The following ST8SIA1 variants were observed in gnomAD, a reference collection of about 807,000 sequenced individuals.
ST8SIA1 encodes the protein ST8 alpha-N-acetyl-neuraminide alpha-2,8-sialyltransferase 1.
Under a neutral mutation model 35.9 loss-of-function variants are expected in ST8SIA1, and 16 were observed. The ratio of observed to expected loss-of-function variants is 0.45; its 90% CI spans 0.30 to 0.68. The LOEUF is 0.68. Ranked by LOEUF, ST8SIA1 falls within the 30% of genes least tolerant of loss-of-function variation. ST8SIA1 has a pLI of 0.09. For synonymous variants in ST8SIA1, 170 were observed against 169.6 expected, an observed-to-expected ratio of 1.00 and a Z score of -0.02; for missense variants, 383 against 453.6, an observed-to-expected ratio of 0.84 and a Z score of 1.41.
At chr12:22,242,523 C>A (rs1052247704) in intron 4 of ST8SIA1, among the ~76,000 whole-genome samples, 1 of 151,972 alleles carries the variant, frequency 6.6e-6, no homozygotes, top group African/African-American at 2.4e-5. Context: ...TTAACCTATG[C>A]CACAAAAATT....
intron 1 of ST8SIA1, among the ~76,000 whole-genome samples, chr12:22,297,607 T>C (rs1866261508): frequency 6.6e-6 from 1 of 152,086 alleles, no homozygotes; most frequent in Admixed American, 6.6e-5. Flanking sequence ...CTAAAACATA[T>C]GGGTCTCTCT....
At chr12:22,206,779 C>T (rs191880778) in intron 4 of ST8SIA1, among the ~76,000 whole-genome samples, 1 of 152,324 alleles carries the variant, frequency 6.6e-6, no homozygotes, top group East Asian at 1.9e-4. Flanking sequence ...TCAGAAGACA[C>T]TGATGGATAG....
At chr12:22,235,926 A>G (rs1865472265) in intron 4 of ST8SIA1, among the ~76,000 whole-genome samples, 2 of 152,090 alleles carry the variant, frequency 1.3e-5, no homozygotes, top group Admixed American at 1.3e-4. Flanking sequence ...GTGCACATAC[A>G]CACGCTAATG....
chr12:22,232,121 G>A (rs924093925), intron 4 of ST8SIA1, among the ~76,000 whole-genome samples: 1 of 152,110 alleles, frequency 6.6e-6, no homozygotes, highest in Admixed American at 6.5e-5. Context: ...AAACTAGCTG[G>A]CAAGGGGGAA....
intron 1 of ST8SIA1, chr12:22,325,616 G>C (rs932547630): frequency 3.2e-6 from 2 of 632,214 alleles, no homozygotes; most frequent in Non-Finnish European, 2.8e-6. Context: ...ATCTGTGGAG[G>C]ATACATTCCA....
intron 2 of ST8SIA1, among the ~76,000 whole-genome samples, chr12:22,256,338 T>C (rs758274662): frequency 1.7e-4 from 26 of 152,190 alleles, no homozygotes; most frequent in Non-Finnish European, 3.4e-4. Flanking sequence ...AGTATGAATA[T>C]GAAAACCCAG....
At chr12:22,214,390 T>A (rs1865211342) in intron 4 of ST8SIA1, among the ~76,000 whole-genome samples, 1 of 152,022 alleles carries the variant, frequency 6.6e-6, no homozygotes, top group Non-Finnish European at 1.5e-5. Context: ...ATAGTAGAAA[T>A]CAGTCTAGAT....
chr12:22,235,259 A>G (rs1865464364), intron 4 of ST8SIA1, among the ~76,000 whole-genome samples: 1 of 152,178 alleles, frequency 6.6e-6, no homozygotes, highest in South Asian at 2.1e-4. Context: ...TGGAAAGAAA[A>G]CTTTTTTAAA....
intron 3 of ST8SIA1, among the ~76,000 whole-genome samples, chr12:22,253,289 G>A (rs1345453314): frequency 2.0e-5 from 3 of 152,082 alleles, no homozygotes; most frequent in African/African-American, 7.2e-5. Context: ...CCAAAGTACT[G>A]GAGAGGGTGC....
At chr12:22,323,188 T>C (rs1205160189) in intron 1 of ST8SIA1, among the ~76,000 whole-genome samples, 1 of 152,240 alleles carries the variant, frequency 6.6e-6, no homozygotes, top group Non-Finnish European at 1.5e-5. Context: ...CCACTGTACA[T>C]ATCCAGTTGT....
In ST8SIA1 at chr12:22,193,568, T is replaced by C. The variant is rs565339581; in HGVS notation, c.*7984A>G. 1.9e-4 allele frequency: 29 copies of C among 152,250 alleles called. No individual in the cohort carries two copies. Among genetic ancestry groups the C allele is most frequent in the African/African-American group, 5.3e-4 (22 of 41,542 alleles). 9.4% of individuals were successfully genotyped at this position (152,250 alleles called of 1,614,324 possible). On this transcript the variant is annotated 3_prime_UTR_variant, in exon 5 of 5. Transcript: ENST00000396037. Reference sequence around the variant, plus strand: ...CCTATGACATTGCATTTAGATTCGGTGGAAAGAAGCAAGTCAGCAGAACCA... The same window carrying C: ...CCTATGACATTGCATTTAGATTCGGCGGAAAGAAGCAAGTCAGCAGAACCA...
chr12:22,284,582 T>C (rs1172710171), intron 2 of ST8SIA1, among the ~76,000 whole-genome samples: 1 of 152,184 alleles, frequency 6.6e-6, no homozygotes, highest in Non-Finnish European at 1.5e-5. Flanking sequence ...CATTTCAGAT[T>C]CTTAGCAGGA....
At chr12:22,300,229 C>T (rs555001331) in intron 1 of ST8SIA1, among the ~76,000 whole-genome samples, 3 of 152,244 alleles carry the variant, frequency 2.0e-5, no homozygotes, top group African/African-American at 4.8e-5. Flanking sequence ...AAAGCCTCAT[C>T]TCCAGGCCCA....
intron 2 of ST8SIA1, among the ~76,000 whole-genome samples, chr12:22,259,528 C>T (rs1021468022): frequency 4.7e-4 from 71 of 151,830 alleles, no homozygotes; most frequent in African/African-American, 1.6e-3. Context: ...TGCAGTGGCG[C>T]GATCTGGGAT....
chr12:22,238,583 G>T (rs1401864962), intron 4 of ST8SIA1, among the ~76,000 whole-genome samples: 2 of 152,202 alleles, frequency 1.3e-5, no homozygotes, highest in East Asian at 3.8e-4. Flanking sequence ...AAACGTGAAA[G>T]ATACTAAAAT....
At chr12:22,218,486 C>T (rs918688393) in intron 4 of ST8SIA1, among the ~76,000 whole-genome samples, 10 of 143,586 alleles carry the variant, frequency 7.0e-5, no homozygotes, top group Admixed American at 2.1e-4. Context: ...GGCATGGTGG[C>T]GGGCACCCAT....
chr12:22,298,503 AG>A (rs1266445597), intron 1 of ST8SIA1, among the ~76,000 whole-genome samples: 1 of 152,210 alleles, frequency 6.6e-6, no homozygotes, highest in Non-Finnish European at 1.5e-5. Context: ...ATTTGGTCAC[AG>A]AAGTCTGTGT....
intron 1 of ST8SIA1, among the ~76,000 whole-genome samples, chr12:22,323,565 C>T (rs1866632126): frequency 6.6e-6 from 1 of 152,188 alleles, no homozygotes; most frequent in African/African-American, 2.4e-5. Context: ...CATATGTTCA[C>T]TGCAGCACTA....
intron 1 of ST8SIA1, among the ~76,000 whole-genome samples, chr12:22,300,657 G>A (rs962240713): frequency 3.3e-5 from 5 of 152,028 alleles, no homozygotes; most frequent in East Asian, 1.9e-4. Context: ...CTCCTCTCTC[G>A]AAGACTGAAG....
Sources: allele counts gnomAD v4.1 joint callset (sites outside exome capture counted in the v4.1 genomes callset), GRCh38; gene constraint gnomAD v4.1.1; transcripts MANE v1.5; gene names NCBI Gene and HGNC (gene_info 2026-07-23, HGNC 2026-07-21).